NPHP3: variants seen among roughly 807,000 people sequenced by gnomAD.
The protein encoded by NPHP3 is nephrocystin-3.
A neutral mutation model predicts 171.9 loss-of-function variants in NPHP3; 123 were observed. That is an observed-to-expected ratio of 0.72 (90% CI 0.62 to 0.83). NPHP3 has a LOEUF of 0.83. NPHP3 is among the 40% of genes least tolerant of loss of function. The probability of loss-of-function intolerance (pLI) is 0.00; values close to 1 mark genes in which losing one functional copy is unlikely to be tolerated. For synonymous variants in NPHP3, 558 were observed against 579.2 expected, an observed-to-expected ratio of 0.96 and a Z score of 0.52; for missense variants, 1,506 against 1,591.9, an observed-to-expected ratio of 0.95 and a Z score of 0.92.
intron 8 of NPHP3, 65 bp from the exon 9 acceptor site, chr3:132,704,436 C>T: frequency 1.3e-6 from 2 of 1,592,664 alleles, no homozygotes; most frequent in Non-Finnish European, 1.7e-6. Context: ...GCGGGGTCAC[C>T]CAGGCCCAAA....
intron 6 of NPHP3, among the ~76,000 whole-genome samples, chr3:132,709,272 CTTTTTTTTTTTTTTTTTT>C (rs3046397): frequency 6.6e-5 from 5 of 76,012 alleles, no homozygotes; most frequent in South Asian, 1.3e-3. Context: ...CTTTCTCTCC[CTTTTTTTTTTTTTTTTTT>C]TTTTTTTTTT....
At chr3:132,715,043 ATATTT>A in intron 5 of NPHP3, 37 bp downstream of exon 5, 1 of 1,508,162 alleles carries the variant, frequency 6.6e-7, no homozygotes, top group Non-Finnish European at 9.2e-7. Flanking sequence ...ATATTAACTT[ATATTT>A]TAAATTGGTT....
chr3:132,690,497 C>A, intron 19 of NPHP3, 31 bp downstream of exon 19: 4 of 1,602,402 alleles, frequency 2.5e-6, no homozygotes, highest in Non-Finnish European at 3.4e-6. Flanking sequence ...ATCTCTCTTT[C>A]TGGGGAAAGA....
rs200287294 is a variant in NPHP3 at position 132,684,691 on chromosome 3, A to G, written c.3433T>C (p.Cys1145Arg). Residue 1145 changes from cysteine (C) to arginine (R), a missense_variant, in exon 24 of 27, where the codon TGC (cysteine) becomes CGC (arginine). By Grantham distance (180) the Cys-to-Arg change is radical (BLOSUM62 -3). Around this residue, in one of 3 missense-constraint regions of NPHP3, gnomAD observed 569 missense variants for 648.1 expected, o/e 0.88. Coordinates refer to ENST00000337331, the MANE Select transcript of NPHP3 (RefSeq NM_153240.5). Reference protein sequence around the residue: ...AQSLNNLAALCNEKKQYDKAE... With the variant: ...AQSLNNLAALRNEKKQYDKAE... Reference sequence around the variant, plus strand: ...TTATCATACTGTTTCTTTTCATTGCATAGAGCTGCCAGATTATTCAAAGAC... The same window carrying G: ...TTATCATACTGTTTCTTTTCATTGCGTAGAGCTGCCAGATTATTCAAAGAC... The G allele has an allele frequency of 1.4e-5, 22 of 1,614,084 alleles. No homozygotes were observed. The Admixed American group carries it at 3.2e-4, about 23-fold the overall frequency.
chr3:132,721,412 T>G, intron 1 of NPHP3: 1 of 186,060 alleles, frequency 5.4e-6, no homozygotes, highest in Non-Finnish European at 1.2e-5. Flanking sequence ...GCGATGAAAC[T>G]TTACAAAGAA....
intron 5 of NPHP3, 59 bp downstream of exon 5, chr3:132,715,026 G>A (rs1433592335): frequency 2.9e-6 from 4 of 1,375,896 alleles, no homozygotes; most frequent in Admixed American, 1.7e-5. Context: ...ATCAGAAACA[G>A]AATATAATAT....
At chr3:132,699,041 C>T (rs1034578885) in intron 13 of NPHP3, among the ~76,000 whole-genome samples, 3 of 152,178 alleles carry the variant, frequency 2.0e-5, no homozygotes, top group African/African-American at 4.8e-5. Context: ...TACAGGCATG[C>T]GCCACCATGC....
Position 132,722,281 on chromosome 3 carries a change from G to T in NPHP3, c.75C>A (p.Gly25=). Residue 25 remains glycine, a synonymous_variant, in exon 1 of 27, where the codon GGC becomes GGA. Transcript: ENST00000337331. The part of the protein sequence containing the change: ...VIEDTYGAGG[G]EACEIPVEVK... ...CCTCCACCGGGATCTCGCAGGCCTCGCCGCCGCCCGCCCCGTACGTGTCCT... is the reference window on the plus strand; with the variant it reads ...CCTCCACCGGGATCTCGCAGGCCTCTCCGCCGCCCGCCCCGTACGTGTCCT... 1.3e-6 allele frequency: 2 copies of T among 1,577,624 alleles called. No individual in the cohort carries two copies. Among genetic ancestry groups the T allele is most frequent in the East Asian group, 2.4e-5 (1 of 42,304 alleles).
At position 132,689,070 on chromosome 3, in the gene NPHP3, T is replaced by C; in HGVS notation, c.2883+4A>G. On this transcript the variant is annotated splice_donor_region_variant and intron_variant, in intron 20 of 26. Coordinates refer to ENST00000337331, the MANE Select transcript of NPHP3 (RefSeq NM_153240.5). ...CTGGCTTGCCATTGATCTGCTGAGC[T>C]TACCTGACTGAGAAGGCCTAGATCC... is the stretch of plus-strand genomic sequence containing the variant. 6.2e-7 allele frequency: 1 copy of C among 1,614,130 alleles called. No individual in the cohort carries two copies. Among genetic ancestry groups the C allele is most frequent in the Non-Finnish European group, 8.5e-7 (1 of 1,179,990 alleles).
chr3:132,683,365 T>C (rs1457009482), intron 25 of NPHP3, 34 bp downstream of exon 25: 1 of 1,593,156 alleles, frequency 6.3e-7, no homozygotes, highest in Non-Finnish European at 8.6e-7. Context: ...CATAAAATCA[T>C]TCACTGATAC....
chr3:132,706,857 A>C (rs1355744870), intron 7 of NPHP3, among the ~76,000 whole-genome samples: 1 of 152,218 alleles, frequency 6.6e-6, no homozygotes, highest in Admixed American at 6.5e-5. Flanking sequence ...CTGATACTAC[A>C]ATAATTAAAA....
chr3:132,698,329 G>A (rs1378228087), intron 13 of NPHP3, among the ~76,000 whole-genome samples: 1 of 152,106 alleles, frequency 6.6e-6, no homozygotes, highest in Non-Finnish European at 1.5e-5. Flanking sequence ...CCAGGCTGCA[G>A]TGCAGTGGTG....
intron 7 of NPHP3, 32 bp downstream of exon 7, chr3:132,708,069 G>A: frequency 6.2e-7 from 1 of 1,609,896 alleles, no homozygotes; most frequent in South Asian, 1.1e-5. Flanking sequence ...CCTCAGCTAA[G>A]TGTGTTTTTC....
At position 132,688,648 on chromosome 3, in the gene NPHP3, A is replaced by AT; in HGVS notation, c.3125+1_3125+2insA. On this transcript the variant is annotated splice_donor_variant, in intron 21 of 26. Coordinates refer to ENST00000337331, the MANE Select transcript of NPHP3 (RefSeq NM_153240.5). LOFTEE classifies it high-confidence loss of function. Reference sequence around the variant, plus strand: ...AGGTATTACTGATCTAAAAAATCTTACTTATTTTGTTTCTGGTACAAAGTT... The same window carrying AT: ...AGGTATTACTGATCTAAAAAATCTTATCTTATTTTGTTTCTGGTACAAAGTT... The AT allele has an allele frequency of 6.2e-7, 1 of 1,613,940 alleles. No homozygotes were observed. The highest frequency in any genetic ancestry group is 2.2e-5 in the East Asian group (1 of 44,876).
intron 9 of NPHP3, 138 bp from the exon 10 acceptor site, chr3:132,701,671 C>T (rs762549052): frequency 5.0e-5 from 33 of 655,974 alleles, no homozygotes; most frequent in Non-Finnish European, 8.4e-5. Flanking sequence ...TGACAGCACC[C>T]TCATAATTGC....
chr3:132,689,381 A>T, intron 19 of NPHP3, 118 bp from the exon 20 acceptor site: 1 of 1,057,426 alleles, frequency 9.5e-7, no homozygotes, highest in Non-Finnish European at 1.4e-6. Flanking sequence ...AGTACTGTGT[A>T]ATGAGGTAAG....
chr3:132,715,364 C>G lies in NPHP3; in HGVS notation c.824-146G>C, dbSNP rs1366607379. The G allele has an allele frequency of 9.6e-5, 65 of 675,192 alleles. 1 individual carries two copies. The East Asian group carries it at 1.8e-3, about 19-fold the overall frequency. The allele number at this position is 675,192 out of a possible 1,614,324, so 41.8% of individuals were successfully genotyped here. A position where few individuals can be genotyped will look rare whatever the true frequency, so the allele number is the denominator to read the frequency against. On this transcript the variant is annotated intron_variant, in intron 4 of 26. Coordinates refer to ENST00000337331, the MANE Select transcript of NPHP3 (RefSeq NM_153240.5). ...GCCATACCTTCTAGAGTAATATATTCAAAGGCAATTAGTTTTCTAAACTCA... is the reference window on the plus strand; with the variant it reads ...GCCATACCTTCTAGAGTAATATATTGAAAGGCAATTAGTTTTCTAAACTCA...
chr3:132,709,865 C>T (rs980925026), intron 6 of NPHP3, among the ~76,000 whole-genome samples: 3 of 152,160 alleles, frequency 2.0e-5, no homozygotes, highest in Non-Finnish European at 4.4e-5. Flanking sequence ...CATGTTCTAT[C>T]GAATTTTGGA....
At chr3:132,718,082 T>C (rs1416202793) in intron 3 of NPHP3, 3 of 454,126 alleles carry the variant, frequency 6.6e-6, no homozygotes, top group African/African-American at 4.0e-5. Flanking sequence ...AAGTTAGCAA[T>C]AAAAATTCCA....
Sources: gnomAD v4.1 joint callset for allele counts (sites outside exome capture counted in the v4.1 genomes callset) on GRCh38, gnomAD v4.1.1 for gene constraint, gnomAD v4.1.1 regional missense constraint, MANE v1.5 for transcripts, NCBI Gene and HGNC (gene_info 2026-07-23, HGNC 2026-07-21) for gene names.